The following RYR3 variants were observed in gnomAD, a reference collection of about 807,000 sequenced individuals.
RYR3 encodes the protein ryanodine receptor 3.
RYR3 carries 207 observed loss-of-function variants against 584.3 expected under a neutral mutation model. The ratio of observed to expected loss-of-function variants is 0.35; its 90% CI spans 0.32 to 0.40. RYR3 has a LOEUF of 0.40. Ranked by LOEUF, RYR3 falls within the 10% of genes least tolerant of loss-of-function variation. The pLI is 1.00. For missense variants in RYR3, 5,616 were observed against 6,089.2 expected, an observed-to-expected ratio of 0.92 and a Z score of 2.59; for synonymous variants, 2,416 against 2,248.5, an observed-to-expected ratio of 1.07 and a Z score of -2.11.
intron 42 of RYR3, among the ~76,000 whole-genome samples, chr15:33,705,257 A>C (rs1377452668): frequency 6.6e-6 from 1 of 152,170 alleles, no homozygotes; most frequent in African/African-American, 2.4e-5. Flanking sequence ...CTGAACTCTA[A>C]GCAGAATATT....
chr15:33,337,645 A>C (rs118023054), intron 1 of RYR3, among the ~76,000 whole-genome samples: 379 of 152,322 alleles, frequency 2.5e-3, no homozygotes, highest in Non-Finnish European at 2.1e-3. Flanking sequence ...TTATGAATAG[A>C]TGAAGAAAAA....
intron 2 of RYR3, among the ~76,000 whole-genome samples, chr15:33,492,447 T>G (rs950325473): frequency 1.4e-5 from 2 of 140,142 alleles, no homozygotes; most frequent in South Asian, 2.3e-4. Context: ...TTTCTAGAGA[T>G]ATTATTTCTC....
At chr15:33,663,767 T>C in intron 36 of RYR3, 30 bp downstream of exon 36, 1 of 1,564,400 alleles carries the variant, frequency 6.4e-7, no homozygotes, top group South Asian at 1.2e-5. Flanking sequence ...CTCTGTCCAG[T>C]TCCTATGGAA....
Position 33,540,365 on chromosome 15 carries a change from G to T in RYR3, c.547-426G>T, listed in dbSNP as rs148689219. ...CACCATTTGTGTCAGGCACTTGTCT[G>T]GGGGTGGGGATGCCTGAAGATGAGA... On this transcript the variant is annotated intron_variant, in intron 6 of 103. Transcript: ENST00000634891. Among the ~76,000 whole-genome samples, 6 of 152,112 alleles carry T rather than the reference G, an allele frequency of 3.9e-5. No individual in the cohort carries two copies. The East Asian group carries it at 1.2e-3, about 29-fold the overall frequency.
At chr15:33,820,682 G>A in intron 77 of RYR3, 74 bp from the exon 78 acceptor site, 6 of 1,305,520 alleles carry the variant, frequency 4.6e-6, no homozygotes, top group Non-Finnish European at 6.5e-6. Flanking sequence ...CCCTGCCCTT[G>A]TAGAGTTGTG....
At position 33,644,363 on chromosome 15, in the gene RYR3, C is replaced by A; in HGVS notation, c.3609C>A (p.Leu1203=). 6.2e-7 allele frequency: 1 copy of A among 1,613,154 alleles called. No homozygotes were observed. Among genetic ancestry groups the A allele is most frequent in the Non-Finnish European group, 8.5e-7 (1 of 1,179,606 alleles). The change falls in exon 28 of 104, where the codon CTC becomes CTA. Residue 1203 remains leucine (L), a synonymous_variant. Coordinates refer to ENST00000634891, the MANE Select transcript of RYR3 (RefSeq NM_001036.6). Reference sequence around the variant, plus strand: ...TATCTCAGATCGGCCGCATGAATCTCGGGACAGATGCCAGTACCTTCAAGT... The same window carrying A: ...TATCTCAGATCGGCCGCATGAATCTAGGGACAGATGCCAGTACCTTCAAGT... The part of the protein sequence containing the change: ...LGLSQIGRMN[L]GTDASTFKFY...
chr15:33,662,556 G>A lies in RYR3; in HGVS notation c.5026G>A (p.Gly1676Ser). 2.5e-6 allele frequency: 4 copies of A among 1,614,026 alleles called. No individual in the cohort carries two copies. Among genetic ancestry groups the A allele is most frequent in the Non-Finnish European group, 3.4e-6 (4 of 1,179,890 alleles). ...RFSTPCFVVTGEDHQKQSPEI... is the reference protein window; with the variant it reads ...RFSTPCFVVTSEDHQKQSPEI... ...CTCCACCCCTTGCTTTGTTGTGACTGGTGAGGATCACCAAAAGCAGAGCCC... is the reference window on the plus strand; with the variant it reads ...CTCCACCCCTTGCTTTGTTGTGACTAGTGAGGATCACCAAAAGCAGAGCCC... The change falls in exon 35 of 104, where the codon GGT becomes AGT. Residue 1676 changes from glycine (G) to serine (S), a missense_variant. Gly to Ser is a moderately conservative substitution (Grantham distance 56). Around this residue, in one of 9 missense-constraint regions of RYR3, gnomAD observed 753 missense variants for 741.0 expected, o/e 1.02. Coordinates refer to ENST00000634891, the MANE Select transcript of RYR3 (RefSeq NM_001036.6).
intron 67 of RYR3, among the ~76,000 whole-genome samples, chr15:33,792,265 T>C (rs1453852821): frequency 6.6e-6 from 1 of 152,172 alleles, no homozygotes; most frequent in Non-Finnish European, 1.5e-5. Context: ...TGTTCTGATA[T>C]CTGAGCACCA....
intron 12 of RYR3, among the ~76,000 whole-genome samples, chr15:33,573,443 G>A (rs1430307386): frequency 1.3e-5 from 2 of 152,176 alleles, no homozygotes; most frequent in Admixed American, 6.5e-5. Context: ...AAATGAAGAC[G>A]AAGAGGTTAA....
At chr15:33,524,164 A>G (rs1162752568) in intron 3 of RYR3, among the ~76,000 whole-genome samples, 2 of 152,244 alleles carry the variant, frequency 1.3e-5, no homozygotes, top group Non-Finnish European at 2.9e-5. Flanking sequence ...ATGCTGATAT[A>G]GTAATAGTGT....
chr15:33,713,289 G>T (rs1359625099), intron 43 of RYR3, among the ~76,000 whole-genome samples: 2 of 151,984 alleles, frequency 1.3e-5, no homozygotes, highest in African/African-American at 4.8e-5. Context: ...TTGTGATAGT[G>T]GGTGATGAAT....
rs902250942 is a variant in RYR3 at position 33,602,065 on chromosome 15, G to A, written c.1922+513G>A. ...TGCTAGTCCATGCATGTGGCTGCACGTGAGTCATGTGAACTCACTGGACTG... is the reference window on the plus strand; with the variant it reads ...TGCTAGTCCATGCATGTGGCTGCACATGAGTCATGTGAACTCACTGGACTG... On this transcript the variant is annotated intron_variant, in intron 17 of 103. Transcript: ENST00000634891. Among the ~76,000 whole-genome samples, 11 of 152,294 alleles carry A rather than the reference G, an allele frequency of 7.2e-5. No homozygotes were observed. The East Asian group carries it at 1.2e-3, about 16-fold the overall frequency.
At chr15:33,314,055 C>CCT (rs1456080541) in intron 1 of RYR3, among the ~76,000 whole-genome samples, 1 of 152,096 alleles carries the variant, frequency 6.6e-6, no homozygotes, top group Non-Finnish European at 1.5e-5. Flanking sequence ...GGAAGCCCAC[C>CCT]CTCTCCTAAG....
chr15:33,636,683 G>A, intron 27 of RYR3, 133 bp downstream of exon 27: 2 of 750,684 alleles, frequency 2.7e-6, no homozygotes, highest in Non-Finnish European at 4.2e-6. Context: ...TAATGGTGAA[G>A]ACGATCCCAT....
At chr15:33,522,638 A>G (rs980894077) in intron 3 of RYR3, among the ~76,000 whole-genome samples, 13 of 151,980 alleles carry the variant, frequency 8.6e-5, no homozygotes, top group African/African-American at 2.7e-4. Flanking sequence ...GGGTTTGGCA[A>G]TTAGCCAGTT....
chr15:33,383,965 A>T (rs1212875797), intron 1 of RYR3, among the ~76,000 whole-genome samples: 1 of 152,218 alleles, frequency 6.6e-6, no homozygotes. Context: ...TTGTAGCAAC[A>T]TGGGTGCAGA....
At chr15:33,484,733 T>G (rs922713408) in intron 2 of RYR3, among the ~76,000 whole-genome samples, 14 of 151,988 alleles carry the variant, frequency 9.2e-5, no homozygotes, top group Non-Finnish European at 1.3e-4. Context: ...TATCATTGAG[T>G]GAAATAGGGC....
intron 2 of RYR3, 123 bp from the exon 3 acceptor site, chr15:33,503,508 C>T (rs756873771): frequency 1.2e-4 from 72 of 622,118 alleles, no homozygotes; most frequent in Non-Finnish European, 1.6e-4. Context: ...CACCTTTTTG[C>T]ATTCCTATTC....
At chr15:33,505,760 G>A (rs1204262798) in intron 3 of RYR3, among the ~76,000 whole-genome samples, 1 of 152,136 alleles carries the variant, frequency 6.6e-6, no homozygotes, top group Non-Finnish European at 1.5e-5. Flanking sequence ...CCAAAGTGCT[G>A]GGATTACAAG....
Sources: gnomAD v4.1 joint callset for allele counts (sites outside exome capture counted in the v4.1 genomes callset) on GRCh38, gnomAD v4.1.1 for gene constraint, gnomAD v4.1.1 regional missense constraint, MANE v1.5 for transcripts, NCBI Gene and HGNC (gene_info 2026-07-23, HGNC 2026-07-21) for gene names.